Variants in CASR observed in about 807,000 individuals in gnomAD.
The protein encoded by CASR is calcium sensing receptor, also known as extracellular calcium-sensing receptor.
Under a neutral mutation model 69.1 loss-of-function variants are expected in CASR, and 23 were observed. The ratio of observed to expected loss-of-function variants is 0.33; its 90% CI spans 0.24 to 0.47. CASR has a LOEUF of 0.47. Among genes scored for constraint, CASR ranks in the 20% least tolerant of loss-of-function variants. The pLI, the probability that CASR is intolerant of heterozygous loss-of-function variation, is 1.00. For synonymous variants in CASR, 541 were observed against 544.7 expected (o/e 0.99, Z 0.10); for missense variants, 924 against 1,356.1 (o/e 0.68, Z 5.00).
At chr3:122,194,677 T>A (rs2073871664) in intron 1 of CASR, among the ~76,000 whole-genome samples, 1 of 152,154 alleles carries the variant, frequency 6.6e-6, no homozygotes. Context: ...GGCAGAGAGG[T>A]ACTAGCCATG....
chr3:122,256,643 A>G (rs2074557529), intron 2 of CASR, among the ~76,000 whole-genome samples: 1 of 152,094 alleles, frequency 6.6e-6, no homozygotes, highest in Admixed American at 6.5e-5. Context: ...TTTGAGATGG[A>G]GTCTCACGCT....
chr3:122,204,423 T>C (rs1377809359), intron 1 of CASR, among the ~76,000 whole-genome samples: 1 of 152,226 alleles, frequency 6.6e-6, no homozygotes, highest in East Asian at 1.9e-4. Flanking sequence ...TTCTTTTTTA[T>C]GGTTGAATAA....
intron 2 of CASR, among the ~76,000 whole-genome samples, chr3:122,256,277 A>G (rs1179979752): frequency 6.6e-6 from 1 of 152,190 alleles, no homozygotes; most frequent in Non-Finnish European, 1.5e-5. Flanking sequence ...CATAGTCTAA[A>G]CATATGACTC....
At chr3:122,265,625 CCAA>C (rs1160227978) in intron 4 of CASR, among the ~76,000 whole-genome samples, 1 of 152,236 alleles carries the variant, frequency 6.6e-6, no homozygotes, top group Non-Finnish European at 1.5e-5. Context: ...ACCGTTTGAG[CCAA>C]CAACCCATTC....
At chr3:122,200,257 G>A (rs367612452) in intron 1 of CASR, among the ~76,000 whole-genome samples, 1 of 152,106 alleles carries the variant, frequency 6.6e-6, no homozygotes, top group African/African-American at 2.4e-5. Flanking sequence ...AAAGTATTGA[G>A]GTGATGGATA....
chr3:122,250,882 A>G (rs1032079452), intron 1 of CASR, among the ~76,000 whole-genome samples: 1 of 152,158 alleles, frequency 6.6e-6, no homozygotes, highest in South Asian at 2.1e-4. Flanking sequence ...CTGATCATTT[A>G]GCCCAGCATG....
chr3:122,206,874 A>G (rs1432630298), intron 1 of CASR, among the ~76,000 whole-genome samples: 2 of 152,024 alleles, frequency 1.3e-5, no homozygotes, highest in Non-Finnish European at 2.9e-5. Flanking sequence ...TAGTCATAGC[A>G]GTCTCTAATG....
intron 1 of CASR, among the ~76,000 whole-genome samples, chr3:122,252,407 GAAA>G (rs1559954230): frequency 9.3e-4 from 4 of 4,320 alleles, no homozygotes; most frequent in South Asian, 5.0e-3. Context: ...AGGAAGGAAG[GAAA>G]AAGAAAGAAA....
chr3:122,262,902 G>A lies in CASR; in HGVS notation c.1377+490G>A, dbSNP rs535814892. Among the ~76,000 whole-genome samples the A allele has an allele frequency of 3.3e-5, 5 of 152,276 alleles. No homozygotes were observed. The East Asian group carries it at 9.6e-4, about 29-fold the overall frequency. The stretch of plus-strand genomic sequence containing the variant: ...CAGCAGGTCAGCTAAGCACAGCTTA[G>A]GACAAAAGCAAATCAAAGACACAGA... On this transcript the variant is annotated intron_variant, in intron 4 of 6. Transcript: ENST00000639785.
At chr3:122,282,438 G>A (rs2074903494) in intron 6 of CASR, among the ~76,000 whole-genome samples, 1 of 152,210 alleles carries the variant, frequency 6.6e-6, no homozygotes, top group Non-Finnish European at 1.5e-5. Flanking sequence ...TACCATAAAA[G>A]ATAACAATAC....
chr3:122,286,908 T>C lies in CASR; in HGVS notation c.*1717T>C, dbSNP rs1284033489. 1.3e-5 allele frequency: 2 copies of C among 152,206 alleles called. No homozygotes were observed. Among genetic ancestry groups the C allele is most frequent in the Non-Finnish European group, 2.9e-5 (2 of 68,030 alleles). The allele number at this position is 152,206 out of a possible 1,614,324, so 9.4% of individuals were successfully genotyped here. A position where few individuals can be genotyped will look rare whatever the true frequency, so the allele number is the denominator to read the frequency against. ...CCTTTCAGTGATTTGTAGGGCAAAT[T>C]GGTGGACTTGATAGTTGTTAAGATT... On this transcript the variant is annotated 3_prime_UTR_variant, in exon 7 of 7. Transcript: ENST00000639785.
chr3:122,278,481 G>A (rs930577502), intron 5 of CASR, among the ~76,000 whole-genome samples: 1 of 152,212 alleles, frequency 6.6e-6, no homozygotes, highest in Non-Finnish European at 1.5e-5. Flanking sequence ...CAAATAAGAA[G>A]TAAAAGAGAC....
chr3:122,259,192 A>G (rs948001086), intron 3 of CASR, among the ~76,000 whole-genome samples: 4 of 152,182 alleles, frequency 2.6e-5, no homozygotes, highest in African/African-American at 9.7e-5. Flanking sequence ...ACGTTCCTTA[A>G]GAGAACATAT....
chr3:122,279,966 C>T (rs2074867985), intron 5 of CASR, among the ~76,000 whole-genome samples: 1 of 152,150 alleles, frequency 6.6e-6, no homozygotes, highest in African/African-American at 2.4e-5. Flanking sequence ...CTACCCTTTC[C>T]CAACAGGCCC....
At chr3:122,209,240 C>T (rs1191416976) in intron 1 of CASR, among the ~76,000 whole-genome samples, 2 of 151,830 alleles carry the variant, frequency 1.3e-5, no homozygotes, top group Non-Finnish European at 2.9e-5. Context: ...TCTGAAACAT[C>T]CTCACACTAA....
At chr3:122,281,730 T>C (rs951249871) in intron 5 of CASR, among the ~76,000 whole-genome samples, 3 of 152,214 alleles carry the variant, frequency 2.0e-5, no homozygotes, top group Non-Finnish European at 4.4e-5. Context: ...CCCACCATGG[T>C]CATGATGCAT....
chr3:122,290,248 C>T lies in CASR; in HGVS notation c.*5057C>T, dbSNP rs896352334. On this transcript the variant is annotated 3_prime_UTR_variant, in exon 7 of 7. Transcript: ENST00000639785. ...GCAAACTCTGTGACTGAAGTTTCAG[C>T]ACATGGATGGCAAATATTTTCAAGT... The T allele has an allele frequency of 6.6e-6, 1 of 152,034 alleles. No individual in the cohort carries two copies. The highest frequency in any genetic ancestry group is 2.4e-5 in the African/African-American group (1 of 41,372). The allele number at this position is 152,034 out of a possible 1,614,324, so 9.4% of individuals were successfully genotyped here.
intron 1 of CASR, among the ~76,000 whole-genome samples, chr3:122,244,947 T>TAA (rs2074412746): frequency 6.6e-6 from 1 of 152,188 alleles, no homozygotes. Flanking sequence ...TTAACGTTTA[T>TAA]GTCCCTTCAT....
At chr3:122,202,813 G>C (rs565212840) in intron 1 of CASR, among the ~76,000 whole-genome samples, 1 of 151,954 alleles carries the variant, frequency 6.6e-6, no homozygotes. Flanking sequence ...AATCTTCAAG[G>C]CATTTGCAAT....
Sources: gnomAD v4.1 joint callset for allele counts (sites outside exome capture counted in the v4.1 genomes callset) on GRCh38, gnomAD v4.1.1 for gene constraint, MANE v1.5 for transcripts, NCBI Gene and HGNC (gene_info 2026-07-23, HGNC 2026-07-21) for gene names.